MYOF: variants seen among roughly 807,000 people sequenced by gnomAD.
The protein encoded by MYOF is myoferlin.
A neutral mutation model predicts 284.2 loss-of-function variants in MYOF; 244 were observed. The observed-to-expected ratio is 0.86, with a 90% CI of 0.77 to 0.95. The LOEUF is 0.95. Ranked by LOEUF, MYOF falls within the 40% of genes least tolerant of loss-of-function variation. The pLI is 0.00. For synonymous variants in MYOF, 904 were observed against 919.7 expected, an observed-to-expected ratio of 0.98 and a Z score of 0.31; for missense variants, 2,496 against 2,560.6, an observed-to-expected ratio of 0.97 and a Z score of 0.54.
chr10:93,337,942 T>C (rs1843696295), intron 39 of MYOF, 29 bp from the exon 40 acceptor site: 1 of 1,518,562 alleles, frequency 6.6e-7, no homozygotes, highest in Non-Finnish European at 9.1e-7. Flanking sequence ...GGAAAAATCT[T>C]TAGTGATGTC....
intron 24 of MYOF, among the ~76,000 whole-genome samples, chr10:93,370,123 T>C (rs1240028013): frequency 6.6e-6 from 1 of 152,164 alleles, no homozygotes; most frequent in Non-Finnish European, 1.5e-5. Context: ...AAAAAACTCC[T>C]GCACTGTAGC....
At chr10:93,422,343 G>C (rs1329804283) in intron 5 of MYOF, among the ~76,000 whole-genome samples, 1 of 152,192 alleles carries the variant, frequency 6.6e-6, no homozygotes, top group African/African-American at 2.4e-5. Context: ...GCAGTTCCCT[G>C]GTGCTGAGCC....
At chr10:93,334,969 A>G (rs1373884954) in intron 41 of MYOF, among the ~76,000 whole-genome samples, 1 of 152,232 alleles carries the variant, frequency 6.6e-6, no homozygotes, top group Non-Finnish European at 1.5e-5. Flanking sequence ...CACATCTGCC[A>G]TGACTTTGCC....
chr10:93,411,776 C>T (rs1410708992), intron 5 of MYOF, among the ~76,000 whole-genome samples: 1 of 152,210 alleles, frequency 6.6e-6, no homozygotes, highest in East Asian at 1.9e-4. Flanking sequence ...TTCTGTTCTT[C>T]AAAAGTCAAT....
In MYOF at chr10:93,399,392, C is replaced by T. The variant is rs761486615; in HGVS notation, c.1221G>A (p.Lys407=). 1 of 1,606,608 alleles carries T rather than the reference C, an allele frequency of 6.2e-7. No homozygotes were observed. Among genetic ancestry groups the T allele is most frequent in the Non-Finnish European group, 8.5e-7 (1 of 1,174,148 alleles). ...ATCTGCATTTAGATCATGTACAAACCTTTTTTCCAGCAAAGGAAACTTCTA... is the reference window on the plus strand; with the variant it reads ...ATCTGCATTTAGATCATGTACAAACTTTTTTTCCAGCAAAGGAAACTTCTA... ...PFVEVSFAGK[K]VCTNIIEKNA... The change falls in exon 13 of 54, where the codon AAG becomes AAA. Residue 407 remains lysine (K), a splice_region_variant and synonymous_variant. Coordinates refer to ENST00000359263, the MANE Select transcript of MYOF (RefSeq NM_013451.4).
intron 39 of MYOF, among the ~76,000 whole-genome samples, chr10:93,339,709 T>G (rs1843796657): frequency 7.3e-6 from 1 of 136,810 alleles, no homozygotes; most frequent in Non-Finnish European, 1.7e-5. Context: ...CCTCAAGTGA[T>G]CTGCCTGCTT....
intron 19 of MYOF, among the ~76,000 whole-genome samples, chr10:93,386,848 G>A (rs1846393451): frequency 1.3e-5 from 2 of 152,224 alleles, no homozygotes; most frequent in Admixed American, 1.3e-4. Flanking sequence ...GACGACTAGA[G>A]GGAGAAGGCC....
At chr10:93,334,834 T>C (rs1843522360) in intron 41 of MYOF, among the ~76,000 whole-genome samples, 1 of 152,184 alleles carries the variant, frequency 6.6e-6, no homozygotes, top group African/African-American at 2.4e-5. Context: ...GGGTTGGCTC[T>C]TGTGCCATAT....
Position 93,374,832 on chromosome 10 carries a change from G to A in MYOF, c.2232C>T (p.Ala744=), listed in dbSNP as rs141523035. The stretch of plus-strand genomic sequence containing the variant: ...CTGCCAGTGTGGACTTCACATCTGT[G>A]GCTTCCGACCTCATCCTCACAGCCG... ...HEAAVRMRSE[A]TDVKSTLAEI... The change falls in exon 23 of 54, where the codon GCC becomes GCT. Residue 744 remains alanine, a synonymous_variant. Transcript: ENST00000359263. The A allele has an allele frequency of 5.3e-3, 8,505 of 1,614,160 alleles. 39 individuals carry two copies. Among genetic ancestry groups the A allele is most frequent in the Non-Finnish European group, 6.6e-3 (7,846 of 1,180,016 alleles).
chr10:93,395,633 C>T (rs192767624), intron 16 of MYOF, among the ~76,000 whole-genome samples: 1 of 150,232 alleles, frequency 6.7e-6, no homozygotes, highest in African/African-American at 2.5e-5. Flanking sequence ...GCTATCAATG[C>T]TTGTCAGAGT....
chr10:93,407,737 C>CAAAA (rs34172104), intron 7 of MYOF, among the ~76,000 whole-genome samples: 1 of 95,160 alleles, frequency 1.1e-5, no homozygotes, highest in Non-Finnish European at 2.2e-5. Flanking sequence ...GACTCTGTCT[C>CAAAA]AAAAAAAAAA....
At chr10:93,386,544 TG>T (rs998480403) in intron 19 of MYOF, among the ~76,000 whole-genome samples, 15 of 152,248 alleles carry the variant, frequency 9.9e-5, no homozygotes, top group Admixed American at 3.9e-4. Flanking sequence ...TTCCTGAGGC[TG>T]GGGGGTGGAG....
At chr10:93,358,579 G>C (rs1407791363) in intron 29 of MYOF, among the ~76,000 whole-genome samples, 1 of 152,184 alleles carries the variant, frequency 6.6e-6, no homozygotes, top group African/African-American at 2.4e-5. Flanking sequence ...ACTGGATGAA[G>C]AAAATGTGGT....
At position 93,351,402 on chromosome 10, in the gene MYOF, C is replaced by T. The variant is rs1045418863; in HGVS notation, c.3822+11G>A. 4 of 1,613,268 alleles carry T rather than the reference C, an allele frequency of 2.5e-6. No individual in the cohort carries two copies. The African/African-American group carries it at 4.0e-5, about 16-fold the overall frequency. ...CTGACAGAATACATGAGGAAGAACA[C>T]AGCAATGTACCTTGCCCCTCAGAAT... is the stretch of plus-strand genomic sequence containing the variant. On this transcript the variant is annotated intron_variant, in intron 34 of 53. Coordinates refer to ENST00000359263, the MANE Select transcript of MYOF (RefSeq NM_013451.4).
chr10:93,387,651 G>A (rs1249677285), intron 19 of MYOF, 146 bp downstream of exon 19: 3 of 686,666 alleles, frequency 4.4e-6, no homozygotes, highest in African/African-American at 1.8e-5. Flanking sequence ...CTCAAAGGAT[G>A]AAGCGATCCT....
intron 6 of MYOF, 26 bp downstream of exon 6, chr10:93,409,543 CAAAG>C: frequency 1.2e-6 from 2 of 1,604,784 alleles, no homozygotes; most frequent in East Asian, 2.2e-5. Context: ...AAAGATTAAA[CAAAG>C]AAGCAGAACG....
intron 19 of MYOF, among the ~76,000 whole-genome samples, chr10:93,385,859 C>CTTTTTTTTTTTTTTTTTT (rs1846339355): frequency 8.0e-6 from 1 of 124,770 alleles, no homozygotes. Context: ...TTTTTTTTTG[C>CTTTTTTTTTTTTTTTTTT]TTTTACACTA....
intron 41 of MYOF, among the ~76,000 whole-genome samples, chr10:93,334,665 C>A (rs1843512995): frequency 6.6e-6 from 1 of 152,088 alleles, no homozygotes; most frequent in South Asian, 2.1e-4. Flanking sequence ...TGCCTTAAAA[C>A]CAGGAGAAAG....
intron 5 of MYOF, among the ~76,000 whole-genome samples, chr10:93,414,824 G>C (rs539401790): frequency 9.7e-4 from 148 of 152,026 alleles, no homozygotes; most frequent in African/African-American, 3.5e-3. Context: ...GCTCACTGCA[G>C]CCTCTGCTTC....
Sources: allele counts gnomAD v4.1 joint callset (sites outside exome capture counted in the v4.1 genomes callset), GRCh38; gene constraint gnomAD v4.1.1; transcripts MANE v1.5; gene names NCBI Gene and HGNC (gene_info 2026-07-23, HGNC 2026-07-21).